The following FAM107B variants were observed in gnomAD, a reference collection of about 807,000 sequenced individuals.
FAM107B encodes the protein family with sequence similarity 107 member B.
A neutral mutation model predicts 31.5 loss-of-function variants in FAM107B; 21 were observed. The ratio of observed to expected loss-of-function variants is 0.67; its 90% confidence interval spans 0.47 to 0.96. The LOEUF (loss-of-function observed/expected upper bound fraction) is 0.96, where lower values mean the gene tolerates loss of function less well. Ranked by LOEUF, FAM107B falls within the 40% of genes least tolerant of loss-of-function variation. FAM107B has a pLI of 0.00. For synonymous variants in FAM107B, 157 were observed against 141.5 expected, an observed-to-expected ratio of 1.11 and a Z score of -0.78; for missense variants, 452 against 377.1, an observed-to-expected ratio of 1.20 and a Z score of -1.64.
At chr10:14,654,043 C>T (rs1432665424) in intron 2 of FAM107B, 1 of 151,790 alleles carries the variant, frequency 6.6e-6, no homozygotes, top group Non-Finnish European at 1.5e-5. Context: ...GCATTTAAAC[C>T]CCAAATGCCT....
intron 1 of FAM107B, among the ~76,000 whole-genome samples, chr10:14,731,704 CT>C (rs1248516434): frequency 6.6e-6 from 1 of 152,158 alleles, no homozygotes; most frequent in Non-Finnish European, 1.5e-5. Context: ...ATAATACCAT[CT>C]TTTTACTGTA....
At chr10:14,710,512 C>T (rs968217324) in intron 1 of FAM107B, among the ~76,000 whole-genome samples, 1 of 151,486 alleles carries the variant, frequency 6.6e-6, no homozygotes, top group Non-Finnish European at 1.5e-5. Flanking sequence ...TAGGCCCTAC[C>T]CCAGAGATTC....
chr10:14,578,059 C>A (rs755457108), intron 2 of FAM107B, among the ~76,000 whole-genome samples: 8 of 152,162 alleles, frequency 5.3e-5, no homozygotes, highest in African/African-American at 7.2e-5. Flanking sequence ...CTCTCAACCT[C>A]CACATCCAGA....
chr10:14,718,926 A>T (rs2131547072), intron 1 of FAM107B, among the ~76,000 whole-genome samples: 1 of 152,286 alleles, frequency 6.6e-6, no homozygotes, highest in South Asian at 2.1e-4. Context: ...GAGAGGTGGG[A>T]AGAGTAAATT....
rs1404970750 is a variant in FAM107B at position 14,755,206 on chromosome 10, T to A, written c.411+19047A>T. On this transcript the variant is annotated intron_variant, in intron 1 of 4. Coordinates refer to ENST00000181796, the MANE Select transcript of FAM107B (RefSeq NM_031453.4). ...ATGGTCTAAATGAAACTTAAAATAA[T>A]TCAAGGGTCCTGGAGAAATCTATTT... Among the ~76,000 whole-genome samples the A allele has an allele frequency of 5.3e-5, 8 of 152,232 alleles. No homozygotes were observed. In the East Asian group the frequency reaches 1.5e-3, roughly 29 times the overall value.
chr10:14,629,436 T>TTTA (rs1564606888), intron 2 of FAM107B, among the ~76,000 whole-genome samples: 306 of 18,652 alleles, frequency 0.016, 14 homozygotes, highest in African/African-American at 0.033. Context: ...TAATATATAT[T>TTTA]ATATATATAT....
intron 2 of FAM107B, among the ~76,000 whole-genome samples, chr10:14,618,786 G>A (rs971279286): frequency 3.3e-5 from 5 of 152,110 alleles, no homozygotes; most frequent in East Asian, 3.9e-4. Context: ...GCAGTGAGCC[G>A]AGATGATGCC....
At chr10:14,534,793 T>G (rs541481476) in intron 2 of FAM107B, 2 of 152,356 alleles carry the variant, frequency 1.3e-5, no homozygotes, top group South Asian at 4.1e-4. Context: ...TATAGCAATG[T>G]GGATATAAAT....
chr10:14,727,778 T>C (rs1362760671), intron 1 of FAM107B, among the ~76,000 whole-genome samples: 1 of 152,230 alleles, frequency 6.6e-6, no homozygotes, highest in East Asian at 1.9e-4. Flanking sequence ...GACATCAAGA[T>C]GCTTCACCAC....
At chr10:14,727,757 C>T (rs1856070945) in intron 1 of FAM107B, among the ~76,000 whole-genome samples, 1 of 152,218 alleles carries the variant, frequency 6.6e-6, no homozygotes, top group Admixed American at 6.5e-5. Context: ...GGGAAACCCA[C>T]ACTAAAACAA....
intron 3 of FAM107B, 110 bp from the exon 4 acceptor site, chr10:14,522,129 A>T (rs1845715099): frequency 7.2e-7 from 1 of 1,380,606 alleles, no homozygotes; most frequent in Non-Finnish European, 9.7e-7. Context: ...CTACAAAATT[A>T]GTATGATACC....
chr10:14,559,099 C>CAAA (rs745765049), intron 2 of FAM107B, among the ~76,000 whole-genome samples: 27 of 88,160 alleles, frequency 3.1e-4, no homozygotes, highest in East Asian at 2.0e-3. Flanking sequence ...TGTGGAACTT[C>CAAA]AAAAAAAAAA....
At chr10:14,742,124 T>C (rs1856454546) in intron 1 of FAM107B, among the ~76,000 whole-genome samples, 2 of 152,102 alleles carry the variant, frequency 1.3e-5, no homozygotes, top group Non-Finnish European at 2.9e-5. Flanking sequence ...TTTTTTGTTT[T>C]GTTTTGAGAA....
At chr10:14,690,377 C>A (rs1277965418) in intron 1 of FAM107B, among the ~76,000 whole-genome samples, 1 of 152,198 alleles carries the variant, frequency 6.6e-6, no homozygotes, top group African/African-American at 2.4e-5. Context: ...GTTGTCACAG[C>A]TCTTTTGCCA....
intron 3 of FAM107B, among the ~76,000 whole-genome samples, chr10:14,528,440 T>C (rs1846571305): frequency 6.6e-6 from 1 of 152,152 alleles, no homozygotes; most frequent in South Asian, 2.1e-4. Flanking sequence ...CCTTGGCTTC[T>C]CAAAGTGGTG....
intron 1 of FAM107B, among the ~76,000 whole-genome samples, chr10:14,702,439 T>G (rs1447200452): frequency 6.6e-6 from 1 of 152,192 alleles, no homozygotes; most frequent in Non-Finnish European, 1.5e-5. Flanking sequence ...CTCCACCTCC[T>G]GAGTTCAAGC....
At chr10:14,536,722 G>GT in intron 2 of FAM107B, among the ~76,000 whole-genome samples, 1 of 152,204 alleles carries the variant, frequency 6.6e-6, no homozygotes, top group South Asian at 2.1e-4. Flanking sequence ...TAGAAACGAC[G>GT]TCCCACCAGA....
intron 1 of FAM107B, among the ~76,000 whole-genome samples, chr10:14,691,765 G>C (rs1012077451): frequency 6.6e-6 from 1 of 151,908 alleles, no homozygotes; most frequent in East Asian, 1.9e-4. Flanking sequence ...ATGGTGGCAG[G>C]TGGCTATAAT....
At chr10:14,752,447 G>A (rs1410600524) in intron 1 of FAM107B, among the ~76,000 whole-genome samples, 2 of 152,160 alleles carry the variant, frequency 1.3e-5, no homozygotes, top group Admixed American at 6.5e-5. Flanking sequence ...TTCTTTTCTG[G>A]GAGGTAGTCC....
Sources: allele counts gnomAD v4.1 joint callset (sites outside exome capture counted in the v4.1 genomes callset), GRCh38; gene constraint gnomAD v4.1.1; transcripts MANE v1.5; gene names NCBI Gene and HGNC (gene_info 2026-07-23, HGNC 2026-07-21).